MFF: variants seen among roughly 807,000 people sequenced by gnomAD.
MFF encodes mitochondrial fission factor, also known as chromosome 2 open reading frame 33.
Under a neutral mutation model 36.9 loss-of-function variants are expected in MFF, and 12 were observed. The ratio of observed to expected loss-of-function variants is 0.33; its 90% CI spans 0.21 to 0.53. The LOEUF (loss-of-function observed/expected upper bound fraction) is 0.53. Among genes scored for constraint, MFF ranks in the 20% least tolerant of loss-of-function variants. MFF has a pLI of 0.95. For missense variants in MFF, 348 were observed against 366.6 expected, an observed-to-expected ratio of 0.95 and a Z score of 0.42; for synonymous variants, 99 against 126.2, an observed-to-expected ratio of 0.78 and a Z score of 1.44.
In MFF at chr2:227,335,092, A is replaced by G. The variant is rs181404554; in HGVS notation, c.351+2504A>G. ...AGGGGGAGGCAGGAGAATCACTTGA[A>G]CCCCGGGGTGGAGGTAGCAGTGAAC... On this transcript the variant is annotated intron_variant, in intron 4 of 8. Transcript: ENST00000304593. 1.6e-3 allele frequency among the ~76,000 whole-genome samples: 243 copies of G among 147,412 alleles called. 6 individuals are homozygous for G. The highest frequency in any genetic ancestry group is 0.015 in the Admixed American group (214 of 14,394).
chr2:227,331,672 T>G (rs1401295945), intron 3 of MFF, among the ~76,000 whole-genome samples: 2 of 152,254 alleles, frequency 1.3e-5, no homozygotes, highest in South Asian at 2.1e-4. Flanking sequence ...ATTGTCAGTC[T>G]TTTTAATTTT....
intron 1 of MFF, among the ~76,000 whole-genome samples, chr2:227,328,433 C>G (rs2074334837): frequency 6.6e-6 from 1 of 150,808 alleles, no homozygotes; most frequent in African/African-American, 2.4e-5. Context: ...TTTCTAAATA[C>G]AAATCAGAAA....
rs6706656 is a variant in MFF at position 227,329,854 on chromosome 2, G to A, written c.-40-772G>A. The A allele has an allele frequency of 0.92, 977,921 of 1,059,810 alleles. 453,126 individuals are homozygous for A. Among genetic ancestry groups the A allele is most frequent in the Non-Finnish European group, 0.95 (661,313 of 693,376 alleles). 65.7% of individuals were successfully genotyped at this position (1,059,810 alleles called of 1,614,324 possible). A position where few individuals can be genotyped will look rare whatever the true frequency, so the allele number is the denominator to read the frequency against. On this transcript the variant is annotated intron_variant, in intron 2 of 8. Coordinates refer to ENST00000304593, the MANE Select transcript of MFF (RefSeq NM_001277062.2). ...GACAATGGCTTTAAAGCTTACTGCCGTAGGCTAACCATGCTCTTTTACATT... is the reference window on the plus strand; with the variant it reads ...GACAATGGCTTTAAAGCTTACTGCCATAGGCTAACCATGCTCTTTTACATT...
At chr2:227,339,934 C>T (rs951739465) in intron 4 of MFF, among the ~76,000 whole-genome samples, 7 of 152,158 alleles carry the variant, frequency 4.6e-5, no homozygotes, top group Non-Finnish European at 8.8e-5. Context: ...CTATATGTGC[C>T]TGTAAACACT....
At chr2:227,356,460 T>C (rs1559994170) in intron 8 of MFF, among the ~76,000 whole-genome samples, 1 of 152,110 alleles carries the variant, frequency 6.6e-6, no homozygotes, top group Non-Finnish European at 1.5e-5. Flanking sequence ...CCTTCAGGCC[T>C]GAAGGGTTTG....
At chr2:227,341,220 C>G (rs2075372170) in intron 5 of MFF, among the ~76,000 whole-genome samples, 1 of 151,572 alleles carries the variant, frequency 6.6e-6, no homozygotes, top group Admixed American at 6.6e-5. Flanking sequence ...TTGGACCTCT[C>G]TAAAGAGTAT....
chr2:227,341,411 C>G (rs567745102), intron 5 of MFF, among the ~76,000 whole-genome samples: 3 of 151,902 alleles, frequency 2.0e-5, no homozygotes, highest in Non-Finnish European at 4.4e-5. Flanking sequence ...ACTAAAACTG[C>G]TCTGATTTCT....
At chr2:227,347,477 C>G in intron 6 of MFF, 93 bp downstream of exon 6, 3 of 969,256 alleles carry the variant, frequency 3.1e-6, no homozygotes, top group Non-Finnish European at 4.8e-6. Context: ...CTGTTTTTAC[C>G]TTCTAGCCTC....
At chr2:227,332,656 A>G (rs2074687205) in intron 4 of MFF, 68 bp downstream of exon 4, 1 of 1,139,422 alleles carries the variant, frequency 8.8e-7, no homozygotes, top group South Asian at 1.7e-5. Context: ...AAGAGCAAAG[A>G]GGCTTTATCA....
At chr2:227,338,099 G>T (rs530378659) in intron 4 of MFF, among the ~76,000 whole-genome samples, 1 of 152,026 alleles carries the variant, frequency 6.6e-6, no homozygotes, top group Admixed American at 6.5e-5. Flanking sequence ...CGGGCATGGT[G>T]GCTCACACCT....
rs1027408502 is a variant in MFF, at chr2:227,328,704, C to T, written c.-126C>T. On this transcript the variant is annotated 5_prime_UTR_variant, in exon 2 of 9. Coordinates refer to ENST00000304593, the MANE Select transcript of MFF (RefSeq NM_001277062.2). ...GACAAAAGTGGCTCTCAATCCAGCA[C>T]ATGCACATTGAAGCAAGTTAAAGGA... 1 of 168,260 alleles carries T rather than the reference C, an allele frequency of 5.9e-6. No homozygotes were observed. The highest frequency in any genetic ancestry group is 1.3e-5 in the Non-Finnish European group (1 of 76,020). The allele number at this position is 168,260 out of a possible 1,614,324, so 10.4% of individuals were successfully genotyped here. A position where few individuals can be genotyped will look rare whatever the true frequency, so the allele number is the denominator to read the frequency against.
Position 227,330,655 on chromosome 2 carries a change from C to T in MFF, c.-11C>T. 1 of 1,613,916 alleles carries T rather than the reference C, an allele frequency of 6.2e-7. No individual in the cohort carries two copies. Among genetic ancestry groups the T allele is most frequent in the Non-Finnish European group, 8.5e-7 (1 of 1,179,798 alleles). On this transcript the variant is annotated 5_prime_UTR_variant, in exon 3 of 9. Transcript: ENST00000304593. The stretch of plus-strand genomic sequence containing the variant: ...AGCAGGGCAGCATTTCCTTCTCCCA[C>T]TGCTGCTGAGATGGCAGAAATTAGT...
chr2:227,350,159 A>G (rs905786139), intron 6 of MFF, among the ~76,000 whole-genome samples: 10 of 152,144 alleles, frequency 6.6e-5, no homozygotes, highest in African/African-American at 2.4e-4. Flanking sequence ...AGAAAAGTTT[A>G]TTTACACAGG....
At chr2:227,340,087 G>T (rs936013449) in intron 4 of MFF, among the ~76,000 whole-genome samples, 1 of 148,190 alleles carries the variant, frequency 6.7e-6, no homozygotes, top group Non-Finnish European at 1.5e-5. Flanking sequence ...ATTATAGTAA[G>T]TAGGGTGTGT....
intron 7 of MFF, among the ~76,000 whole-genome samples, chr2:227,355,126 A>G (rs933443270): frequency 1.3e-5 from 2 of 152,226 alleles, no homozygotes; most frequent in African/African-American, 4.8e-5. Flanking sequence ...GTGCCATTGC[A>G]CTCCAGCCTG....
intron 4 of MFF, 28 bp downstream of exon 4, chr2:227,332,616 T>G (rs1478840646): frequency 6.5e-7 from 1 of 1,545,298 alleles, no homozygotes; most frequent in Non-Finnish European, 8.8e-7. Context: ...ATCACCGGAA[T>G]TTGAAATAAT....
intron 2 of MFF, chr2:227,329,588 A>T: frequency 1.6e-6 from 1 of 611,756 alleles, no homozygotes. Context: ...ACTGATTTTT[A>T]TTCTTTCTTT....
chr2:227,326,201 G>A (rs1380565283), intron 1 of MFF, among the ~76,000 whole-genome samples: 2 of 148,728 alleles, frequency 1.3e-5, no homozygotes, highest in South Asian at 4.2e-4. Context: ...AAAGTGACAT[G>A]TTTTCATTGG....
At chr2:227,335,977 T>C (rs956966950) in intron 4 of MFF, among the ~76,000 whole-genome samples, 4 of 152,172 alleles carry the variant, frequency 2.6e-5, no homozygotes, top group Non-Finnish European at 5.9e-5. Context: ...AATGCCCAAG[T>C]CATGACAGTT....
Sources: allele counts gnomAD v4.1 joint callset (sites outside exome capture counted in the v4.1 genomes callset), GRCh38; gene constraint gnomAD v4.1.1; transcripts MANE v1.5; gene names NCBI Gene and HGNC (gene_info 2026-07-23, HGNC 2026-07-21).